Variants in CNTN3 observed in about 807,000 individuals in gnomAD.
CNTN3 encodes the protein contactin-3.
Under a neutral mutation model 119.1 loss-of-function variants are expected in CNTN3, and 60 were observed. The ratio of observed to expected loss-of-function variants is 0.50; its 90% CI spans 0.41 to 0.62. CNTN3 has a LOEUF of 0.62. Among genes scored for constraint, CNTN3 ranks in the 20% least tolerant of loss-of-function variants. CNTN3 has a pLI of 0.00. For missense variants in CNTN3, 1,101 were observed against 1,242.4 expected, an observed-to-expected ratio of 0.89 and a Z score of 1.71; for synonymous variants, 450 against 438.7, an observed-to-expected ratio of 1.03 and a Z score of -0.32.
At chr3:74,485,141 A>AT (rs1342956097) in intron 4 of CNTN3, among the ~76,000 whole-genome samples, 2 of 151,916 alleles carry the variant, frequency 1.3e-5, no homozygotes, top group Non-Finnish European at 2.9e-5. Flanking sequence ...CCAAACATAT[A>AT]TATATATTCC....
intron 2 of CNTN3, among the ~76,000 whole-genome samples, chr3:74,514,592 C>T (rs1352953111): frequency 6.6e-6 from 1 of 152,026 alleles, no homozygotes; most frequent in Non-Finnish European, 1.5e-5. Context: ...TAAAATGACT[C>T]TATCTTCTCC....
chr3:74,450,847 ATTT>A (rs1201815199), intron 4 of CNTN3, among the ~76,000 whole-genome samples: 1 of 151,760 alleles, frequency 6.6e-6, no homozygotes, highest in African/African-American at 2.4e-5. Context: ...TGAACTCATC[ATTT>A]TTTATGGCTG....
intron 1 of CNTN3, among the ~76,000 whole-genome samples, chr3:74,532,274 G>T (rs1703703910): frequency 6.6e-6 from 1 of 151,856 alleles, no homozygotes; most frequent in South Asian, 2.1e-4. Context: ...AGGGTAAAGA[G>T]ACAGCCATGA....
intron 1 of CNTN3, among the ~76,000 whole-genome samples, chr3:74,565,960 G>T (rs2106640831): frequency 6.6e-6 from 1 of 152,198 alleles, no homozygotes; most frequent in East Asian, 1.9e-4. Context: ...AGTCTCATGA[G>T]ATCTCATGGT....
rs546517036 is a variant in CNTN3, at chr3:74,593,835, A to G, written c.-81+20556T>C. Among the ~76,000 whole-genome samples the G allele has an allele frequency of 1.2e-4, 18 of 152,106 alleles. No homozygotes were observed. In the East Asian group the frequency reaches 3.5e-3, roughly 30 times the overall value. ...TGAGAAATGCCTCACGGACTTGGAA[A>G]TTCTAATAGAAAAGAAATATTAAAT... On this transcript the variant is annotated intron_variant, in intron 1 of 22. Coordinates refer to ENST00000263665, the MANE Select transcript of CNTN3 (RefSeq NM_020872.3).
At chr3:74,475,871 T>TG (rs1355881378) in intron 4 of CNTN3, among the ~76,000 whole-genome samples, 1 of 152,204 alleles carries the variant, frequency 6.6e-6, no homozygotes, top group African/African-American at 2.4e-5. Context: ...CAGCCGAAGC[T>TG]GACCAAAGTG....
chr3:74,464,267 A>C (rs1011404485), intron 4 of CNTN3, among the ~76,000 whole-genome samples: 19 of 152,158 alleles, frequency 1.2e-4, no homozygotes, highest in African/African-American at 4.6e-4. Context: ...TCAAAAATAC[A>C]TATGCAAAAA....
At chr3:74,425,230 C>T (rs1041664621) in intron 4 of CNTN3, among the ~76,000 whole-genome samples, 6 of 151,998 alleles carry the variant, frequency 3.9e-5, no homozygotes, top group Non-Finnish European at 7.4e-5. Flanking sequence ...TAATCCTTAC[C>T]CCTCTCCCTT....
At chr3:74,370,754 T>A (rs996944671) in intron 6 of CNTN3, among the ~76,000 whole-genome samples, 1 of 152,136 alleles carries the variant, frequency 6.6e-6, no homozygotes, top group African/African-American at 2.4e-5. Flanking sequence ...ATGAAACAGA[T>A]ATTTTTCTTT....
At chr3:74,479,899 T>A (rs930870589) in intron 4 of CNTN3, among the ~76,000 whole-genome samples, 1 of 152,020 alleles carries the variant, frequency 6.6e-6, no homozygotes, top group Admixed American at 6.6e-5. Flanking sequence ...TTGGCCAAAA[T>A]TTTGGTTGAC....
Position 74,533,553 on chromosome 3 carries a change from C to T in CNTN3, c.-80-12361G>A, listed in dbSNP as rs143333187. 6.3e-4 allele frequency among the ~76,000 whole-genome samples: 96 copies of T among 152,052 alleles called. 1 individual carries two copies. The highest frequency in any genetic ancestry group is 3.4e-3 in the Middle Eastern group (1 of 294). On this transcript the variant is annotated intron_variant, in intron 1 of 22. Coordinates refer to ENST00000263665, the MANE Select transcript of CNTN3 (RefSeq NM_020872.3). ...CATGTTATGTCATTTACTACCACCA[C>T]CCCCATGTTACAGATGAAATAACTG... is the stretch of plus-strand genomic sequence containing the variant.
intron 4 of CNTN3, among the ~76,000 whole-genome samples, chr3:74,462,914 T>C (rs1170992882): frequency 6.6e-6 from 1 of 152,158 alleles, no homozygotes; most frequent in Non-Finnish European, 1.5e-5. Context: ...TATTCTTCCA[T>C]GCCCTGTTAA....
At chr3:74,597,276 G>A (rs554062124) in intron 1 of CNTN3, among the ~76,000 whole-genome samples, 69 of 152,016 alleles carry the variant, frequency 4.5e-4, no homozygotes, top group African/African-American at 8.7e-4. Context: ...TAATGATTTC[G>A]TTAGCTATTA....
intron 12 of CNTN3, among the ~76,000 whole-genome samples, chr3:74,335,532 C>A (rs1258991126): frequency 6.6e-6 from 1 of 152,114 alleles, no homozygotes; most frequent in Non-Finnish European, 1.5e-5. Flanking sequence ...TGCTACTCCA[C>A]ATTACTTTGC....
At chr3:74,465,380 G>C (rs1702443413) in intron 4 of CNTN3, among the ~76,000 whole-genome samples, 1 of 152,090 alleles carries the variant, frequency 6.6e-6, no homozygotes. Flanking sequence ...AGAGTGTGGG[G>C]ATTGGTACAT....
chr3:74,582,857 G>C (rs1474294650), intron 1 of CNTN3, among the ~76,000 whole-genome samples: 1 of 151,680 alleles, frequency 6.6e-6, no homozygotes, highest in Non-Finnish European at 1.5e-5. Flanking sequence ...ATTTACACAA[G>C]AGAAAAGAAA....
At chr3:74,497,313 T>C (rs1703083231) in intron 3 of CNTN3, among the ~76,000 whole-genome samples, 1 of 151,886 alleles carries the variant, frequency 6.6e-6, no homozygotes, top group Non-Finnish European at 1.5e-5. Context: ...TAGCTGAATA[T>C]TAAAATTAAA....
chr3:74,287,651 T>G (rs371567180), intron 19 of CNTN3, among the ~76,000 whole-genome samples: 4 of 152,294 alleles, frequency 2.6e-5, no homozygotes, highest in African/African-American at 9.6e-5. Context: ...CTGCTCTCAG[T>G]CCCTAGGAGA....
intron 1 of CNTN3, among the ~76,000 whole-genome samples, chr3:74,564,599 G>C (rs1704200411): frequency 6.6e-6 from 1 of 150,574 alleles, no homozygotes; most frequent in Non-Finnish European, 1.5e-5. Context: ...GTCCTGTACG[G>C]GTACTGGAAA....
Sources: allele counts gnomAD v4.1 joint callset (sites outside exome capture counted in the v4.1 genomes callset), GRCh38; gene constraint gnomAD v4.1.1; transcripts MANE v1.5; gene names NCBI Gene and HGNC (gene_info 2026-07-23, HGNC 2026-07-21).